LIMCH1: variants seen among roughly 807,000 people sequenced by gnomAD.
LIMCH1 encodes LIM and calponin homology domains 1.
LIMCH1 carries 113 observed loss-of-function variants against 176.5 expected under a neutral mutation model. The observed-to-expected ratio is 0.64, with a 90% CI of 0.55 to 0.75. LIMCH1 has a LOEUF of 0.75. LIMCH1 is among the 30% of genes least tolerant of loss of function. The pLI is 0.00. For synonymous variants in LIMCH1, 619 were observed against 645.9 expected (o/e 0.96, Z 0.63); for missense variants, 1,674 against 1,814.9 (o/e 0.92, Z 1.41).
In LIMCH1 at chr4:41,684,068, A is replaced by G. The variant is rs528950347; in HGVS notation, c.3846-329A>G. Among the ~76,000 whole-genome samples the G allele has an allele frequency of 2.0e-5, 3 of 152,276 alleles. No individual in the cohort carries two copies. The East Asian group carries it at 5.8e-4, about 29-fold the overall frequency. On this transcript the variant is annotated intron_variant, in intron 26 of 31. Transcript: ENST00000503057. The stretch of plus-strand genomic sequence containing the variant: ...GCCAGTGAGTTACCATGGTCTTCAA[A>G]GGTTCCATGTGGCTAAATTATTTTT...
At chr4:41,687,740 T>C (rs761068262) in intron 28 of LIMCH1, 100 bp from the exon 29 acceptor site, 57 of 753,444 alleles carry the variant, frequency 7.6e-5, no homozygotes, top group Non-Finnish European at 1.2e-4. Context: ...GTCACAAAAG[T>C]TTTATTTTAT....
chr4:41,488,784 T>G (rs1229000250), intron 1 of LIMCH1, among the ~76,000 whole-genome samples: 1 of 152,206 alleles, frequency 6.6e-6, no homozygotes, highest in Non-Finnish European at 1.5e-5. Flanking sequence ...ATATTTTCTG[T>G]GTATGTGTCT....
intron 1 of LIMCH1, among the ~76,000 whole-genome samples, chr4:41,460,455 CATCTATATAT>C (rs1306226652): frequency 2.2e-5 from 2 of 92,166 alleles, no homozygotes; most frequent in African/African-American, 5.8e-5. Flanking sequence ...CTATAGTAAT[CATCTATATAT>C]ATATATATAT....
At chr4:41,412,751 A>T (rs2059603144) in intron 1 of LIMCH1, among the ~76,000 whole-genome samples, 1 of 152,198 alleles carries the variant, frequency 6.6e-6, no homozygotes, top group Admixed American at 6.5e-5. Context: ...ATTGAAACAC[A>T]TCCTTCTGGA....
chr4:41,692,678 G>A (rs766260622), intron 31 of LIMCH1: 2 of 279,038 alleles, frequency 7.2e-6, no homozygotes, highest in Admixed American at 4.8e-5. Context: ...GGAGATATAA[G>A]GTCTGTCAAA....
chr4:41,586,564 GTTTTATTCTAAAATAAGTGAAGGTA>G (rs2086517575), intron 1 of LIMCH1, among the ~76,000 whole-genome samples: 2 of 152,148 alleles, frequency 1.3e-5, no homozygotes, highest in Admixed American at 6.5e-5. Flanking sequence ...AGTTTAAGCA[GTTTTATTCTAAAATAAGTGAAGGTA>G]TTTTTCATTC....
chr4:41,654,924 C>CT (rs1246694379), intron 18 of LIMCH1, among the ~76,000 whole-genome samples: 2 of 152,014 alleles, frequency 1.3e-5, no homozygotes, highest in East Asian at 1.9e-4. Context: ...AAACCTCACA[C>CT]TTTTTTTTCA....
rs5857806 is a variant in LIMCH1 at position 41,609,242 on chromosome 4, GTTT to G, written c.9+3250_9+3252del. Reference sequence around the variant, plus strand: ...TTTCTAGTCCCTCAACCCACCTTATGTTTTTTTTTTTTTTCATGATACTTATCA... The same window carrying G: ...TTTCTAGTCCCTCAACCCACCTTATGTTTTTTTTTTTCATGATACTTATCA... On this transcript the variant is annotated intron_variant, in intron 4 of 31. Coordinates refer to ENST00000503057, the MANE Select transcript of LIMCH1 (RefSeq NM_001330672.2). Among the ~76,000 whole-genome samples, 342 of 147,156 alleles carry G rather than the reference GTTT, an allele frequency of 2.3e-3. 1 individual carries two copies. Among genetic ancestry groups the G allele is most frequent in the East Asian group, 0.018 (92 of 5,054 alleles).
chr4:41,425,290 C>T (rs1285660420), intron 1 of LIMCH1, among the ~76,000 whole-genome samples: 2 of 152,170 alleles, frequency 1.3e-5, no homozygotes, highest in African/African-American at 4.8e-5. Context: ...TCATCTATTT[C>T]TTCCTTAATC....
chr4:41,528,115 T>G (rs1483823013), intron 3 of LIMCH1, among the ~76,000 whole-genome samples: 1 of 144,406 alleles, frequency 6.9e-6, no homozygotes, highest in East Asian at 2.0e-4. Flanking sequence ...TGGAGTATTT[T>G]GAAATGAAAT....
At chr4:41,496,301 T>C (rs1336487323) in intron 2 of LIMCH1, among the ~76,000 whole-genome samples, 1 of 152,186 alleles carries the variant, frequency 6.6e-6, no homozygotes, top group Non-Finnish European at 1.5e-5. Flanking sequence ...TCACAGGGGA[T>C]TAGACCCACT....
chr4:41,550,664 C>A (rs1351286505), intron 1 of LIMCH1, among the ~76,000 whole-genome samples: 1 of 152,122 alleles, frequency 6.6e-6, no homozygotes, highest in Non-Finnish European at 1.5e-5. Flanking sequence ...AGAAATTATT[C>A]ATTTGGCTCA....
rs1283432741 is a variant in LIMCH1 at position 41,646,475 on chromosome 4, T to C, written c.2412-10T>C. On this transcript the variant is annotated splice_polypyrimidine_tract_variant and intron_variant, in intron 16 of 31. Coordinates refer to ENST00000503057, the MANE Select transcript of LIMCH1 (RefSeq NM_001330672.2). The stretch of plus-strand genomic sequence containing the variant: ...GTTGACTTTGTTATTGCTTCTCCCA[T>C]GTCCTTTAGAGAGCGGAGAGAGAGA... The C allele has an allele frequency of 1.6e-5, 26 of 1,607,604 alleles. No homozygotes were observed. Among genetic ancestry groups the C allele is most frequent in the Non-Finnish European group, 2.2e-5 (26 of 1,175,956 alleles).
At chr4:41,550,521 G>T (rs2152512101) in intron 1 of LIMCH1, among the ~76,000 whole-genome samples, 1 of 152,164 alleles carries the variant, frequency 6.6e-6, no homozygotes, top group South Asian at 2.1e-4. Flanking sequence ...GACAGGAAGT[G>T]GGCAGGAACT....
chr4:41,684,572 C>A, intron 27 of LIMCH1, 54 bp downstream of exon 27: 2 of 1,594,396 alleles, frequency 1.3e-6, no homozygotes. Flanking sequence ...GTAAGACCCC[C>A]ACATTGTCCA....
At chr4:41,405,760 A>G (rs1001178133) in intron 1 of LIMCH1, among the ~76,000 whole-genome samples, 2 of 151,858 alleles carry the variant, frequency 1.3e-5, no homozygotes, top group South Asian at 2.1e-4. Flanking sequence ...CCCCTAAAAT[A>G]TGTGCATGTA....
intron 1 of LIMCH1, among the ~76,000 whole-genome samples, chr4:41,390,269 A>AGAGAGAGAGAGAGCGAGAGAGC (rs760332127): frequency 6.7e-6 from 1 of 150,304 alleles, no homozygotes; most frequent in African/African-American, 2.5e-5. Flanking sequence ...AGAGAGAGAG[A>AGAGAGAGAGAGAGCGAGAGAGC]GAGAGCGAGA....
chr4:41,545,308 C>T (rs2079216132), intron 1 of LIMCH1, among the ~76,000 whole-genome samples: 1 of 152,126 alleles, frequency 6.6e-6, no homozygotes, highest in African/African-American at 2.4e-5. Flanking sequence ...GTTTTTATTT[C>T]CTGTCCTTGA....
At chr4:41,473,271 GC>G in intron 1 of LIMCH1, 1 of 793,670 alleles carries the variant, frequency 1.3e-6, no homozygotes, top group Non-Finnish European at 1.5e-6. Flanking sequence ...GTCATTTTGT[GC>G]AATGGTACAT....
Sources: allele counts gnomAD v4.1 joint callset (sites outside exome capture counted in the v4.1 genomes callset), GRCh38; gene constraint gnomAD v4.1.1; transcripts MANE v1.5; gene names NCBI Gene and HGNC (gene_info 2026-07-23, HGNC 2026-07-21).